The following PPM1L variants were observed in gnomAD, a reference collection of about 807,000 sequenced individuals.
The protein encoded by PPM1L is protein phosphatase, Mg2+/Mn2+ dependent 1L.
Under a neutral mutation model 31.4 loss-of-function variants are expected in PPM1L, and 13 were observed. That is an observed-to-expected ratio of 0.41 (90% confidence interval 0.27 to 0.66). PPM1L has a LOEUF of 0.66. PPM1L is among the 30% of genes least tolerant of loss of function. The pLI is 0.29. For missense variants in PPM1L, 326 were observed against 453.7 expected (o/e 0.72, Z 2.56); for synonymous variants, 184 against 175.4 (o/e 1.05, Z -0.39).
Position 160,992,028 on chromosome 3 carries a change from C to T in PPM1L, c.574+30118C>T, listed in dbSNP as rs76372372. Reference sequence around the variant, plus strand: ...AAGTATTATTATTATCCTCATTTTACATAGGGAAACTGAAGCACAGGGAGG... The same window carrying T: ...AAGTATTATTATTATCCTCATTTTATATAGGGAAACTGAAGCACAGGGAGG... On this transcript the variant is annotated intron_variant, in intron 2 of 3. Coordinates refer to ENST00000498165, the MANE Select transcript of PPM1L (RefSeq NM_139245.4). 5.6e-3 allele frequency among the ~76,000 whole-genome samples: 846 copies of T among 152,232 alleles called. 2 individuals are homozygous for T. The highest frequency in any genetic ancestry group is 8.5e-3 in the Non-Finnish European group (576 of 68,004).
intron 1 of PPM1L, among the ~76,000 whole-genome samples, chr3:160,897,043 T>C (rs1328864614): frequency 4.1e-5 from 1 of 24,396 alleles, no homozygotes; most frequent in Non-Finnish European, 1.3e-4. Flanking sequence ...CTACTGACTC[T>C]TTTTTTTTTT....
intron 1 of PPM1L, among the ~76,000 whole-genome samples, chr3:160,939,236 C>A (rs1429259763): frequency 6.6e-6 from 1 of 152,170 alleles, no homozygotes; most frequent in African/African-American, 2.4e-5. Flanking sequence ...CCCCTCCAAA[C>A]ACACGTACAT....
At chr3:160,894,939 CT>C (rs1210586310) in intron 1 of PPM1L, among the ~76,000 whole-genome samples, 1 of 151,894 alleles carries the variant, frequency 6.6e-6, no homozygotes, top group African/African-American at 2.4e-5. Context: ...GTTTTGATTC[CT>C]TTTTACTGAG....
intron 1 of PPM1L, among the ~76,000 whole-genome samples, chr3:160,927,702 CCT>C (rs1714650330): frequency 6.6e-6 from 1 of 152,038 alleles, no homozygotes; most frequent in African/African-American, 2.4e-5. Context: ...AAGCTATTTG[CCT>C]CTCTCCCTCT....
intron 2 of PPM1L, among the ~76,000 whole-genome samples, chr3:161,019,390 G>T (rs1718178833): frequency 6.6e-6 from 1 of 152,066 alleles, no homozygotes; most frequent in African/African-American, 2.4e-5. Flanking sequence ...TAAAGATAGG[G>T]TCTCACTATG....
chr3:161,052,005 G>A (rs60605297), intron 2 of PPM1L, among the ~76,000 whole-genome samples: 2,140 of 152,226 alleles, frequency 0.014, 22 homozygotes, highest in Admixed American at 0.025. Context: ...GGCATCTGCG[G>A]GGGCGACCCA....
chr3:161,038,009 G>A (rs1030319152), intron 2 of PPM1L, among the ~76,000 whole-genome samples: 10 of 151,676 alleles, frequency 6.6e-5, no homozygotes, highest in African/African-American at 1.2e-4. Context: ...CGAGGCGGGC[G>A]GATCACGAGG....
At chr3:160,960,682 A>G (rs1005288303) in intron 1 of PPM1L, among the ~76,000 whole-genome samples, 2 of 151,954 alleles carry the variant, frequency 1.3e-5, no homozygotes, top group African/African-American at 4.8e-5. Flanking sequence ...CTTAGACACT[A>G]TGTGAGTAAA....
chr3:160,814,127 A>C (rs1185457164), intron 1 of PPM1L, among the ~76,000 whole-genome samples: 1 of 152,160 alleles, frequency 6.6e-6, no homozygotes, highest in Non-Finnish European at 1.5e-5. Context: ...GGGGCTTACA[A>C]CCTTTTATGG....
At chr3:161,065,866 G>A (rs1206773890) in intron 3 of PPM1L, among the ~76,000 whole-genome samples, 1 of 152,186 alleles carries the variant, frequency 6.6e-6, no homozygotes, top group East Asian at 1.9e-4. Context: ...TTCCCTCGGA[G>A]CCACAACTAA....
chr3:161,068,304 AC>A (rs2108112489), intron 3 of PPM1L, among the ~76,000 whole-genome samples: 1 of 152,344 alleles, frequency 6.6e-6, no homozygotes, highest in East Asian at 1.9e-4. Context: ...AAGTAGTCTG[AC>A]CTGAGCCTTT....
At chr3:161,014,299 A>G (rs1468800166) in intron 2 of PPM1L, among the ~76,000 whole-genome samples, 1 of 152,108 alleles carries the variant, frequency 6.6e-6, no homozygotes, top group African/African-American at 2.4e-5. Context: ...CTTTTCCTAA[A>G]GTTGCATTAC....
chr3:160,933,596 G>A (rs1013718764), intron 1 of PPM1L, among the ~76,000 whole-genome samples: 4 of 152,084 alleles, frequency 2.6e-5, no homozygotes, highest in African/African-American at 4.8e-5. Context: ...TGGGAGCTAG[G>A]GAAGTTGGTG....
chr3:160,893,075 A>G (rs1261894716), intron 1 of PPM1L, among the ~76,000 whole-genome samples: 1 of 152,218 alleles, frequency 6.6e-6, no homozygotes, highest in African/African-American at 2.4e-5. Context: ...TAAAGGTAAT[A>G]TAAGGTAGAC....
intron 1 of PPM1L, among the ~76,000 whole-genome samples, chr3:160,827,447 TTG>T (rs59524935): frequency 0.011 from 1,487 of 141,208 alleles, 12 homozygotes; most frequent in Middle Eastern, 0.051. Context: ...TGATATAAGT[TTG>T]TGTGTGTGTG....
intron 1 of PPM1L, among the ~76,000 whole-genome samples, chr3:160,918,688 T>C (rs1452317984): frequency 6.6e-6 from 1 of 152,180 alleles, no homozygotes; most frequent in Non-Finnish European, 1.5e-5. Context: ...AAAAATACTT[T>C]TGCAAGTGAT....
intron 1 of PPM1L, among the ~76,000 whole-genome samples, chr3:160,932,634 A>G (rs903947943): frequency 2.0e-5 from 3 of 152,230 alleles, no homozygotes; most frequent in South Asian, 2.1e-4. Flanking sequence ...TTCATGGCTG[A>G]TCTTAGTCTA....
intron 1 of PPM1L, among the ~76,000 whole-genome samples, chr3:160,883,881 CA>C (rs36011243): frequency 1.2e-3 from 129 of 106,362 alleles, no homozygotes; most frequent in African/African-American, 2.1e-3. Flanking sequence ...CTTGTCTCTA[CA>C]AAAAAAAAAA....
At chr3:160,911,357 T>C (rs1576707910) in intron 1 of PPM1L, among the ~76,000 whole-genome samples, 1 of 152,296 alleles carries the variant, frequency 6.6e-6, no homozygotes, top group East Asian at 1.9e-4. Flanking sequence ...TCACCAATCC[T>C]CAACCATAGC....
Sources: allele counts gnomAD v4.1 joint callset (sites outside exome capture counted in the v4.1 genomes callset), GRCh38; gene constraint gnomAD v4.1.1; transcripts MANE v1.5; gene names NCBI Gene and HGNC (gene_info 2026-07-23, HGNC 2026-07-21).